The following CEP135 variants were observed in gnomAD, a reference collection of about 807,000 sequenced individuals.
CEP135 encodes centrosomal protein of 135 kDa.
Under a neutral mutation model 157.3 loss-of-function variants are expected in CEP135, and 142 were observed. That is an observed-to-expected ratio of 0.90 (90% CI 0.79 to 1.04). The LOEUF is 1.04. Ranked by LOEUF, CEP135 falls within the 50% of genes least tolerant of loss-of-function variation. The probability of loss-of-function intolerance (pLI) is 0.00; values close to 1 mark genes in which losing one functional copy is unlikely to be tolerated. For synonymous variants in CEP135, 396 were observed against 439.8 expected (o/e 0.90, Z 1.25); for missense variants, 1,317 against 1,309.2 (o/e 1.01, Z -0.09).
intron 15 of CEP135, among the ~76,000 whole-genome samples, chr4:55,992,772 C>T (rs78228630): frequency 0.024 from 3,662 of 152,110 alleles, 66 homozygotes; most frequent in Admixed American, 0.059. Flanking sequence ...CTGAGAAATA[C>T]GATAAGTAGA....
chr4:56,012,964 A>G (rs977239330), intron 21 of CEP135, among the ~76,000 whole-genome samples: 2 of 152,210 alleles, frequency 1.3e-5, no homozygotes, highest in African/African-American at 4.8e-5. Flanking sequence ...TTTGAGGAAT[A>G]GCCATGTGGT....
chr4:56,010,050 A>G (rs1730516940), intron 19 of CEP135, 147 bp downstream of exon 19: 1 of 924,786 alleles, frequency 1.1e-6, no homozygotes, highest in Non-Finnish European at 1.6e-6. Context: ...TTATCAGGGT[A>G]TTAAAAAATG....
intron 6 of CEP135, among the ~76,000 whole-genome samples, chr4:55,963,995 A>G (rs1450674672): frequency 6.6e-6 from 1 of 152,228 alleles, no homozygotes; most frequent in Non-Finnish European, 1.5e-5. Context: ...AACATTGTTA[A>G]ATCTTAAAGG....
intron 11 of CEP135, among the ~76,000 whole-genome samples, chr4:55,978,883 A>G (rs1053643391): frequency 6.6e-6 from 1 of 152,228 alleles, no homozygotes; most frequent in African/African-American, 2.4e-5. Context: ...GTTAGATTAC[A>G]TAGCTTCTTT....
intron 1 of CEP135, among the ~76,000 whole-genome samples, chr4:55,951,231 G>T (rs1728353606): frequency 6.6e-6 from 1 of 152,224 alleles, no homozygotes; most frequent in African/African-American, 2.4e-5. Flanking sequence ...GAGTATTTTT[G>T]TGAATATTTT....
Position 56,008,347 on chromosome 4 carries a change from G to T in CEP135, c.2301G>T (p.Met767Ile). ...LANKEKAVAQ[M>I]KIMISECESS... ...TATAGGAAAAAGCTGTTGCTCAAAT[G>T]AAGATAATGATCTCAGAGTGTGAAT... Residue 767 changes from methionine (M) to isoleucine (I), a missense_variant, in exon 18 of 26, where the codon ATG becomes ATT. By Grantham distance (10) the Met-to-Ile change is conservative. Transcript: ENST00000257287. The T allele has an allele frequency of 6.2e-7, 1 of 1,610,016 alleles. No individual in the cohort carries two copies. The highest frequency in any genetic ancestry group is 1.1e-5 in the South Asian group (1 of 89,994).
chr4:55,976,571 C>G (rs1007655128), intron 11 of CEP135, among the ~76,000 whole-genome samples: 5 of 152,116 alleles, frequency 3.3e-5, no homozygotes, highest in Admixed American at 6.5e-5. Flanking sequence ...TTAAGTGAAA[C>G]TTTTCTCCCC....
At chr4:56,025,914 A>T (rs1731143763) in intron 25 of CEP135, among the ~76,000 whole-genome samples, 1 of 151,952 alleles carries the variant, frequency 6.6e-6, no homozygotes, top group Non-Finnish European at 1.5e-5. Flanking sequence ...AATCAAAAAA[A>T]AAAAAAAATA....
intron 8 of CEP135, among the ~76,000 whole-genome samples, chr4:55,968,374 G>GTTT (rs34188517): frequency 5.4e-5 from 7 of 130,656 alleles, no homozygotes; most frequent in African/African-American, 2.0e-4. Context: ...TCCCAGTGGT[G>GTTT]TTTTTTTTTT....
chr4:55,996,438 A>G lies in CEP135; in HGVS notation c.2010-2864A>G, dbSNP rs370502678. ...GAACTGTCTTCTGGGCATTCCTAACATTTTTTTTTCTACCAGGACAGGAAG... is the reference window on the plus strand; with the variant it reads ...GAACTGTCTTCTGGGCATTCCTAACGTTTTTTTTTCTACCAGGACAGGAAG... On this transcript the variant is annotated intron_variant, in intron 15 of 25. Transcript: ENST00000257287. Among the ~76,000 whole-genome samples the G allele has an allele frequency of 5.3e-5, 8 of 151,592 alleles. 1 individual carries two copies. The highest frequency in any genetic ancestry group is 1.9e-4 in the African/African-American group (8 of 41,342).
intron 21 of CEP135, among the ~76,000 whole-genome samples, 162 bp from the exon 22 acceptor site, chr4:56,017,486 T>C (rs1296980867): frequency 1.3e-5 from 2 of 152,232 alleles, no homozygotes; most frequent in African/African-American, 4.8e-5. Flanking sequence ...AAGCATTAAA[T>C]AGGTCATCTT....
chr4:56,023,179 A>G (rs900276646), intron 24 of CEP135, among the ~76,000 whole-genome samples: 3 of 151,966 alleles, frequency 2.0e-5, no homozygotes, highest in Non-Finnish European at 2.9e-5. Context: ...ATATGATTGT[A>G]CCACTGCACT....
chr4:56,008,616 C>G (rs1467789189), intron 18 of CEP135, among the ~76,000 whole-genome samples: 1 of 152,118 alleles, frequency 6.6e-6, no homozygotes, highest in Admixed American at 6.5e-5. Context: ...TCCTATATAC[C>G]TATTTGTTCC....
intron 2 of CEP135, 135 bp downstream of exon 2, chr4:55,952,378 T>C (rs1257905452): frequency 3.3e-6 from 2 of 607,420 alleles, no homozygotes; most frequent in East Asian, 2.8e-5. Flanking sequence ...ATCTGTTTTT[T>C]CCCTGTCCTC....
At chr4:56,020,038 C>T (rs1317291314) in intron 23 of CEP135, among the ~76,000 whole-genome samples, 1 of 152,176 alleles carries the variant, frequency 6.6e-6, no homozygotes, top group Non-Finnish European at 1.5e-5. Context: ...TGTATATCTT[C>T]ACTACAGAGG....
chr4:55,975,086 T>G lies in CEP135; in HGVS notation c.1473+117T>G, dbSNP rs746578530. ...TTGCTTTGAAAAATCCTGATTTTGA[T>G]TCTTGTTTTCTTTTATGGCCTGCAC... On this transcript the variant is annotated intron_variant, in intron 11 of 25. Coordinates refer to ENST00000257287, the MANE Select transcript of CEP135 (RefSeq NM_025009.5). 4.8e-4 allele frequency: 354 copies of G among 733,230 alleles called. 1 individual carries two copies. Among genetic ancestry groups the G allele is most frequent in the Middle Eastern group, 1.2e-3 (3 of 2,444 alleles). The allele number at this position is 733,230 out of a possible 1,614,324, so 45.4% of individuals were successfully genotyped here.
chr4:55,970,117 C>T (rs956266299), intron 9 of CEP135, among the ~76,000 whole-genome samples: 2 of 151,944 alleles, frequency 1.3e-5, no homozygotes, highest in Non-Finnish European at 2.9e-5. Flanking sequence ...AGTGATTCTC[C>T]CGCCCCGGCC....
intron 6 of CEP135, among the ~76,000 whole-genome samples, chr4:55,961,225 TAC>T (rs1728670251): frequency 6.6e-6 from 1 of 152,162 alleles, no homozygotes; most frequent in African/African-American, 2.4e-5. Context: ...ATTTTATAAT[TAC>T]ACTTTCATTT....
At chr4:55,953,522 A>G (rs1415538266) in intron 3 of CEP135, among the ~76,000 whole-genome samples, 6 of 152,034 alleles carry the variant, frequency 3.9e-5, no homozygotes, top group Admixed American at 1.3e-4. Context: ...AAGAAAAGAA[A>G]ATATGGTACT....
Sources: allele counts gnomAD v4.1 joint callset (sites outside exome capture counted in the v4.1 genomes callset), GRCh38; gene constraint gnomAD v4.1.1; transcripts MANE v1.5; gene names NCBI Gene and HGNC (gene_info 2026-07-23, HGNC 2026-07-21).